PXT1: variants seen among roughly 807,000 people sequenced by gnomAD.
The protein encoded by PXT1 is peroxisomal testis-specific protein 1.
In PXT1, 11 loss-of-function variants were observed where a neutral mutation model predicts 11.0. The observed-to-expected ratio is 1.00, with a 90% confidence interval of 0.63 to 1.66. The LOEUF is 1.66. PXT1 is among the 40% of genes most tolerant of loss of function. The pLI is 0.00. For missense variants in PXT1, 141 were observed against 155.5 expected (o/e 0.91, Z 0.49); for synonymous variants, 43 against 51.4 (o/e 0.84, Z 0.70).
At chr6:36,400,775 C>A (rs1774202769) in intron 3 of PXT1, among the ~76,000 whole-genome samples, 191 bp from the exon 4 acceptor site, 1 of 152,084 alleles carries the variant, frequency 6.6e-6, no homozygotes. Flanking sequence ...TCAAAACCAG[C>A]CTGGTCAACA....
In PXT1 at chr6:36,436,113, C is replaced by CAAAAAAAAAAAAAAAAAAAAAAAAAAAAA. The variant is rs11294829; in HGVS notation, c.-10+2653_-10+2654insTTTTTTTTTTTTTTTTTTTTTTTTTTTTT. Among the ~76,000 whole-genome samples, 2 of 60,094 alleles carry CAAAAAAAAAAAAAAAAAAAAAAAAAAAAA rather than the reference C, an allele frequency of 3.3e-5. 1 individual carries two copies. The highest frequency in any genetic ancestry group is 6.7e-5 in the Non-Finnish European group (2 of 29,972). 39.4% of individuals were successfully genotyped at this position (60,094 alleles called of 152,430 possible). On this transcript the variant is annotated intron_variant, in intron 2 of 4. Transcript: ENST00000454782. ...AAATTAATTAAAAAAAAAAGTAAGC[C>CAAAAAAAAAAAAAAAAAAAAAAAAAAAAA]AAAAAAAAAAAAAAAAAAAGCCAGC...
intron 2 of PXT1, among the ~76,000 whole-genome samples, chr6:36,431,652 A>T (rs1774695282): frequency 6.6e-6 from 1 of 152,204 alleles, no homozygotes. Context: ...CTGTGGTCCC[A>T]GCTACTCAGA....
At chr6:36,416,736 GATAGACACTAT>G (rs1428714414) in intron 3 of PXT1, among the ~76,000 whole-genome samples, 1 of 152,206 alleles carries the variant, frequency 6.6e-6, no homozygotes, top group Non-Finnish European at 1.5e-5. Context: ...TAGACCTGGT[GATAGACACTAT>G]ATAGATACTA....
chr6:36,412,461 A>T (rs1158125065), intron 3 of PXT1, among the ~76,000 whole-genome samples: 2 of 151,982 alleles, frequency 1.3e-5, no homozygotes, highest in Non-Finnish European at 2.9e-5. Context: ...AGAAATCGAG[A>T]CCATCCTGGC....
chr6:36,400,483 C>A lies in PXT1; in HGVS notation c.271G>T (p.Asp91Tyr), dbSNP rs747948503. ...CGAACCATCCTATGATCAATGTTGTCCCCAATGTGTCTCAGCTGCATGGCC... is the reference window on the plus strand; with the variant it reads ...CGAACCATCCTATGATCAATGTTGTACCCAATGTGTCTCAGCTGCATGGCC... Reference protein sequence around the residue: ...KLAMQLRHIGDNIDHRMVRED... With the variant: ...KLAMQLRHIGYNIDHRMVRED... The change falls in exon 4 of 5, where the codon GAC (aspartate) becomes TAC (tyrosine). Residue 91 changes from aspartate to tyrosine, a missense_variant. Physicochemically the swap from Asp to Tyr is radical, Grantham distance 160. Coordinates refer to ENST00000454782, the MANE Select transcript of PXT1 (RefSeq NM_152990.4). 7 of 1,613,966 alleles carry A rather than the reference C, an allele frequency of 4.3e-6. No individual in the cohort carries two copies. In the South Asian group the frequency reaches 5.5e-5, roughly 13 times the overall value.
intron 3 of PXT1, among the ~76,000 whole-genome samples, chr6:36,423,927 G>A (rs1382239214): frequency 2.0e-5 from 3 of 152,216 alleles, no homozygotes; most frequent in Non-Finnish European, 2.9e-5. Context: ...ATGAAAACAA[G>A]CATGTACGTT....
chr6:36,404,902 A>T (rs1774266907), intron 3 of PXT1, among the ~76,000 whole-genome samples: 2 of 152,182 alleles, frequency 1.3e-5, no homozygotes, highest in South Asian at 2.1e-4. Flanking sequence ...GGTTGCAGTG[A>T]GCCACGATTG....
At chr6:36,426,553 A>G (rs755606272) in intron 2 of PXT1, among the ~76,000 whole-genome samples, 6 of 151,772 alleles carry the variant, frequency 4.0e-5, no homozygotes, top group Non-Finnish European at 8.8e-5. Context: ...TATTTTTAGT[A>G]GAAACAGGGT....
intron 4 of PXT1, 53 bp downstream of exon 4, chr6:36,400,401 T>G (rs1306132395): frequency 3.1e-6 from 5 of 1,602,274 alleles, no homozygotes; most frequent in Non-Finnish European, 4.3e-6. Flanking sequence ...CGTAGTTTTG[T>G]TTGCTCTTTC....
At chr6:36,420,432 T>A (rs1774507770) in intron 3 of PXT1, among the ~76,000 whole-genome samples, 2 of 152,254 alleles carry the variant, frequency 1.3e-5, no homozygotes, top group African/African-American at 4.8e-5. Flanking sequence ...AATCATGTGC[T>A]TAATATGATA....
At chr6:36,420,658 A>T (rs577428559) in intron 3 of PXT1, among the ~76,000 whole-genome samples, 19 of 152,050 alleles carry the variant, frequency 1.2e-4, no homozygotes, top group African/African-American at 4.1e-4. Context: ...AAGAAAATAT[A>T]TTTTTTAAGC....
chr6:36,404,707 C>T (rs567601001), intron 3 of PXT1, among the ~76,000 whole-genome samples: 1,544 of 151,932 alleles, frequency 0.01, 25 homozygotes, highest in African/African-American at 0.035. Context: ...CCTGTAATCC[C>T]AGCACTTTGG....
chr6:36,435,040 A>C (rs967056574), intron 2 of PXT1, among the ~76,000 whole-genome samples: 1 of 152,226 alleles, frequency 6.6e-6, no homozygotes, highest in Non-Finnish European at 1.5e-5. Flanking sequence ...ACAATAAAAA[A>C]GATAAATTAG....
At chr6:36,436,632 CT>C (rs1474593302) in intron 2 of PXT1, among the ~76,000 whole-genome samples, 1 of 152,050 alleles carries the variant, frequency 6.6e-6, no homozygotes, top group Non-Finnish European at 1.5e-5. Flanking sequence ...TTTGGATATA[CT>C]TAGTGTTTGA....
At chr6:36,414,236 T>C (rs548524851) in intron 3 of PXT1, among the ~76,000 whole-genome samples, 1 of 152,112 alleles carries the variant, frequency 6.6e-6, no homozygotes, top group African/African-American at 2.4e-5. Context: ...AGTGATGCAG[T>C]GTGCCTAGAG....
At chr6:36,438,017 A>G (rs1315979620) in intron 2 of PXT1, among the ~76,000 whole-genome samples, 1 of 150,050 alleles carries the variant, frequency 6.7e-6, no homozygotes, top group African/African-American at 2.5e-5. Context: ...ACGGGGTTTC[A>G]CCATGTTGAT....
chr6:36,394,098 C>G (rs1021602180), intron 4 of PXT1, among the ~76,000 whole-genome samples: 10 of 152,222 alleles, frequency 6.6e-5, no homozygotes, highest in African/African-American at 1.2e-4. Flanking sequence ...TTTTCTCCCC[C>G]TCTTATAGTC....
intron 4 of PXT1, among the ~76,000 whole-genome samples, chr6:36,395,720 C>A (rs1310045597): frequency 6.6e-6 from 1 of 152,056 alleles, no homozygotes; most frequent in Admixed American, 6.6e-5. Context: ...GTGTTCTAGG[C>A]TGAGCGCGGT....
chr6:36,418,625 G>C (rs1774483939), intron 3 of PXT1, among the ~76,000 whole-genome samples: 1 of 152,236 alleles, frequency 6.6e-6, no homozygotes, highest in South Asian at 2.1e-4. Context: ...GGCAACTAGT[G>C]AGAACCACTT....
Sources: gnomAD v4.1 joint callset for allele counts (sites outside exome capture counted in the v4.1 genomes callset) on GRCh38, gnomAD v4.1.1 for gene constraint, MANE v1.5 for transcripts, NCBI Gene and HGNC (gene_info 2026-07-23, HGNC 2026-07-21) for gene names.